The following NEGR1 variants were observed in gnomAD, a reference collection of about 807,000 sequenced individuals.
The protein encoded by NEGR1 is neuronal growth regulator 1, also known as IgLON family member 4.
A neutral mutation model predicts 40.9 loss-of-function variants in NEGR1; 10 were observed. The observed-to-expected ratio is 0.24, with a 90% CI of 0.15 to 0.42. The LOEUF (loss-of-function observed/expected upper bound fraction) is 0.42, where lower values mean the gene tolerates loss of function less well. NEGR1 is among the 10% of genes least tolerant of loss of function. The pLI is 1.00. For synonymous variants in NEGR1, 185 were observed against 166.8 expected (o/e 1.11, Z -0.84); for missense variants, 352 against 438.9 (o/e 0.80, Z 1.77).
chr1:71,840,135 T>C (rs1265939207), intron 2 of NEGR1, among the ~76,000 whole-genome samples: 1 of 152,156 alleles, frequency 6.6e-6, no homozygotes, highest in Non-Finnish European at 1.5e-5. Context: ...TACAGGACTA[T>C]AGAAGTGGGA....
intron 1 of NEGR1, among the ~76,000 whole-genome samples, chr1:72,019,543 C>T (rs928509423): frequency 8.5e-5 from 13 of 152,118 alleles, no homozygotes; most frequent in Non-Finnish European, 1.3e-4. Context: ...CCACTAAAGA[C>T]AGGAATGAAC....
At chr1:71,864,801 G>C (rs1196041455) in intron 2 of NEGR1, among the ~76,000 whole-genome samples, 1 of 152,094 alleles carries the variant, frequency 6.6e-6, no homozygotes, top group Non-Finnish European at 1.5e-5. Flanking sequence ...AAAGTTCTCA[G>C]TATTCCCCTG....
At chr1:71,945,292 T>A (rs1646007803) in intron 1 of NEGR1, among the ~76,000 whole-genome samples, 1 of 152,144 alleles carries the variant, frequency 6.6e-6, no homozygotes, top group South Asian at 2.1e-4. Flanking sequence ...TTAACTTGTT[T>A]AGGACAGAAG....
intron 1 of NEGR1, among the ~76,000 whole-genome samples, chr1:72,093,635 T>C (rs1362388799): frequency 2.6e-5 from 4 of 152,186 alleles, no homozygotes; most frequent in Admixed American, 6.5e-5. Flanking sequence ...TATTGTATTA[T>C]ATTGGTGATG....
At chr1:71,919,448 T>C (rs1028213525) in intron 2 of NEGR1, among the ~76,000 whole-genome samples, 1 of 152,102 alleles carries the variant, frequency 6.6e-6, no homozygotes, top group Non-Finnish European at 1.5e-5. Context: ...GTTACCAAAT[T>C]CTCTATTAGC....
At chr1:71,554,980 T>C (rs1648209014) in intron 6 of NEGR1, among the ~76,000 whole-genome samples, 1 of 151,568 alleles carries the variant, frequency 6.6e-6, no homozygotes, top group South Asian at 2.1e-4. Flanking sequence ...TTACTTTTTT[T>C]CCATCCCTTC....
At chr1:71,423,935 G>A (rs75173772) in intron 6 of NEGR1, among the ~76,000 whole-genome samples, 2,803 of 150,786 alleles carry the variant, frequency 0.019, 69 homozygotes, top group African/African-American at 0.065. Flanking sequence ...TTCTATAGGC[G>A]CTATAGGAGG....
Position 71,955,047 on chromosome 1 carries a change from G to A in NEGR1, c.177-19736C>T, listed in dbSNP as rs1013871653. Among the ~76,000 whole-genome samples, 7 of 152,020 alleles carry A rather than the reference G, an allele frequency of 4.6e-5. No homozygotes were observed. In the South Asian group the frequency reaches 8.3e-4, roughly 18 times the overall value. ...AACAAATTACATACAGGTAGATTTCGGATTTAACCTCAATTCCAACTGAAT... is the reference window on the plus strand; with the variant it reads ...AACAAATTACATACAGGTAGATTTCAGATTTAACCTCAATTCCAACTGAAT... On this transcript the variant is annotated intron_variant, in intron 1 of 6. Coordinates refer to ENST00000357731, the MANE Select transcript of NEGR1 (RefSeq NM_173808.3).
chr1:72,266,025 A>T (rs1178871680), intron 1 of NEGR1, among the ~76,000 whole-genome samples: 1 of 150,950 alleles, frequency 6.6e-6, no homozygotes, highest in Non-Finnish European at 1.5e-5. Context: ...ATAGCACCTT[A>T]CTAAACTCCT....
chr1:71,801,199 G>A (rs1156977653), intron 2 of NEGR1, among the ~76,000 whole-genome samples: 2 of 151,964 alleles, frequency 1.3e-5, no homozygotes, highest in Non-Finnish European at 2.9e-5. Flanking sequence ...ACCTTTACTG[G>A]CCTCTCTTTG....
intron 2 of NEGR1, among the ~76,000 whole-genome samples, chr1:71,923,759 T>G (rs988195857): frequency 2.6e-5 from 4 of 152,142 alleles, no homozygotes; most frequent in African/African-American, 9.7e-5. Flanking sequence ...ATCCAGCCAT[T>G]GTAGGTTGAG....
chr1:71,842,543 T>C lies in NEGR1; in HGVS notation c.410-66246A>G, dbSNP rs371266934. Among the ~76,000 whole-genome samples the C allele has an allele frequency of 5.9e-5, 9 of 152,198 alleles. No individual in the cohort carries two copies. The East Asian group carries it at 1.2e-3, about 20-fold the overall frequency. On this transcript the variant is annotated intron_variant, in intron 2 of 6. Transcript: ENST00000357731. The stretch of plus-strand genomic sequence containing the variant: ...CATTATAGTTAGTAAATAAACAGTA[T>C]AGATGGAGAAATGTCTTCATCTATA...
intron 6 of NEGR1, among the ~76,000 whole-genome samples, chr1:71,535,347 A>G (rs1292849137): frequency 6.6e-6 from 1 of 151,734 alleles, no homozygotes; most frequent in Non-Finnish European, 1.5e-5. Context: ...TCATCTCAAT[A>G]AAAGGATAGT....
chr1:71,919,905 G>T (rs1645687097), intron 2 of NEGR1, among the ~76,000 whole-genome samples: 1 of 152,156 alleles, frequency 6.6e-6, no homozygotes, highest in South Asian at 2.1e-4. Context: ...AACTTTCCAT[G>T]CAATGACACT....
At chr1:71,779,138 C>G (rs1656612833) in intron 2 of NEGR1, among the ~76,000 whole-genome samples, 1 of 152,162 alleles carries the variant, frequency 6.6e-6, no homozygotes, top group Non-Finnish European at 1.5e-5. Context: ...TTGTTGGAAG[C>G]AGATGCCATG....
intron 3 of NEGR1, among the ~76,000 whole-genome samples, chr1:71,759,870 AATTACTGGG>A (rs1184184322): frequency 2.0e-5 from 3 of 151,794 alleles, no homozygotes; most frequent in Non-Finnish European, 4.4e-5. Flanking sequence ...CGGCCTCCCA[AATTACTGGG>A]ATTACAGGCA....
intron 2 of NEGR1, among the ~76,000 whole-genome samples, chr1:71,786,033 G>T (rs1056941181): frequency 6.6e-6 from 1 of 151,864 alleles, no homozygotes; most frequent in Non-Finnish European, 1.5e-5. Flanking sequence ...GAAGTACTCT[G>T]GTTTCTTTGT....
At chr1:71,445,309 T>TA (rs749842511) in intron 6 of NEGR1, among the ~76,000 whole-genome samples, 161 of 150,272 alleles carry the variant, frequency 1.1e-3, no homozygotes, top group East Asian at 4.0e-3. Context: ...CTTTTTTTTT[T>TA]AAAAAAAAAA....
At chr1:71,729,145 C>G (rs1050731140) in intron 3 of NEGR1, among the ~76,000 whole-genome samples, 1 of 152,106 alleles carries the variant, frequency 6.6e-6, no homozygotes, top group African/African-American at 2.4e-5. Context: ...ATAAGACTCT[C>G]CTACCCCAGG....
Sources: allele counts gnomAD v4.1 joint callset (sites outside exome capture counted in the v4.1 genomes callset), GRCh38; gene constraint gnomAD v4.1.1; transcripts MANE v1.5; gene names NCBI Gene and HGNC (gene_info 2026-07-23, HGNC 2026-07-21).